Variants in ZDHHC16 observed in about 807,000 individuals in gnomAD.
ZDHHC16 encodes the protein palmitoyltransferase ZDHHC16.
Under a neutral mutation model 54.4 loss-of-function variants are expected in ZDHHC16, and 33 were observed. The observed-to-expected ratio is 0.61, with a 90% CI of 0.46 to 0.81. The LOEUF is 0.81. Among genes scored for constraint, ZDHHC16 ranks in the 30% least tolerant of loss-of-function variants. The probability of loss-of-function intolerance (pLI) is 0.00; values close to 1 mark genes in which losing one functional copy is unlikely to be tolerated. For missense variants in ZDHHC16, 420 were observed against 485.9 expected (o/e 0.86, Z 1.28); for synonymous variants, 185 against 182.1 (o/e 1.02, Z -0.13).
At position 97,456,975 on chromosome 10, in the gene ZDHHC16, A is replaced by C; in HGVS notation, c.*84A>C. On this transcript the variant is annotated 3_prime_UTR_variant, in exon 12 of 12. Transcript: ENST00000393760. Reference sequence around the variant, plus strand: ...GCCTCCAAGGGCAGCTTTTCTCAGAATCCTTGATCAAAAAGAGCCAGTGGG... The same window carrying C: ...GCCTCCAAGGGCAGCTTTTCTCAGACTCCTTGATCAAAAAGAGCCAGTGGG... 8.6e-7 allele frequency: 1 copy of C among 1,158,518 alleles called. No homozygotes were observed. Among genetic ancestry groups the C allele is most frequent in the Non-Finnish European group, 1.2e-6 (1 of 842,152 alleles). The allele number at this position is 1,158,518 out of a possible 1,614,324, so 71.8% of individuals were successfully genotyped here.
At chr10:97,449,311 C>T (rs1846382285) in intron 1 of ZDHHC16, among the ~76,000 whole-genome samples, 1 of 151,510 alleles carries the variant, frequency 6.6e-6, no homozygotes, top group African/African-American at 2.4e-5. Flanking sequence ...GATTTGCATG[C>T]CATTGCTACA....
At position 97,457,021 on chromosome 10, in the gene ZDHHC16, A is replaced by G; in HGVS notation, c.*130A>G. The G allele has an allele frequency of 3.4e-6, 2 of 588,352 alleles. No individual in the cohort carries two copies. The highest frequency in any genetic ancestry group is 3.1e-5 in the South Asian group (1 of 31,762). The allele number at this position is 588,352 out of a possible 1,614,324, so 36.4% of individuals were successfully genotyped here. A position where few individuals can be genotyped will look rare whatever the true frequency, so the allele number is the denominator to read the frequency against. On this transcript the variant is annotated 3_prime_UTR_variant, in exon 12 of 12. Transcript: ENST00000393760. ...GTGGGCCTGCCTTAGGGTACCATGC[A>G]GGACAATTCAAGGACCAGCCTTTTT... is the stretch of plus-strand genomic sequence containing the variant.
chr10:97,456,109 C>A, intron 11 of ZDHHC16, 65 bp downstream of exon 11: 1 of 1,526,402 alleles, frequency 6.6e-7, no homozygotes, highest in Non-Finnish European at 9.1e-7. Context: ...ATGTTCTATG[C>A]CTGTGAGCAC....
At chr10:97,452,312 A>T in intron 4 of ZDHHC16, 28 bp downstream of exon 4, 1 of 1,613,450 alleles carries the variant, frequency 6.2e-7, no homozygotes, top group Middle Eastern at 1.6e-4. Flanking sequence ...CACTGGGGGA[A>T]GTTGCTGGCT....
chr10:97,446,381 C>A (rs375893848), intron 1 of ZDHHC16, 28 bp downstream of exon 1: 1 of 336,744 alleles, frequency 3.0e-6, no homozygotes, highest in Non-Finnish European at 5.5e-6. Context: ...GCCCTTGCTC[C>A]CCATCCTAGT....
At position 97,456,767 on chromosome 10, in the gene ZDHHC16, T is replaced by C; in HGVS notation, c.1020-10T>C. 6.3e-7 allele frequency: 1 copy of C among 1,590,640 alleles called. No homozygotes were observed. The highest frequency in any genetic ancestry group is 1.1e-5 in the South Asian group (1 of 89,030). On this transcript the variant is annotated splice_polypyrimidine_tract_variant and intron_variant, in intron 11 of 11. Coordinates refer to ENST00000393760, the MANE Select transcript of ZDHHC16 (RefSeq NM_198046.3). ...CTTGAACTCAGAGACATTTCTCTCT[T>C]CTCTTCTAGGCACTGGCTTACTCGG...
Position 97,451,751 on chromosome 10 carries a change from C to A in ZDHHC16, c.76C>A (p.Arg26Ser), listed in dbSNP as rs773092376. The change falls in exon 3 of 12, where the codon CGC becomes AGC. Residue 26 changes from arginine to serine, a missense_variant. Physicochemically the swap from Arg to Ser is moderately radical, Grantham distance 110 (BLOSUM62 -1). Transcript: ENST00000393760. ...CCTCCTTCTGCTGCTGGGTTACAGG[C>A]GCCGCTGTCCACCTCTACTCCGGGG... is the stretch of plus-strand genomic sequence containing the variant. The part of the protein sequence containing the change: ...LRLLLLLGYR[R>S]RCPPLLRGLV... 5 of 1,613,880 alleles carry A rather than the reference C, an allele frequency of 3.1e-6. No homozygotes were observed. Among genetic ancestry groups the A allele is most frequent in the Non-Finnish European group, 4.2e-6 (5 of 1,180,024 alleles).
Position 97,457,239 on chromosome 10 carries a change from A to C in ZDHHC16, c.*348A>C, listed in dbSNP as rs970985621. The C allele has an allele frequency of 6.0e-5, 10 of 166,436 alleles. No homozygotes were observed. The South Asian group carries it at 1.1e-3, about 18-fold the overall frequency. 10.3% of individuals were successfully genotyped at this position (166,436 alleles called of 1,614,324 possible). ...CCTCTTCTACTTGCTGTCTGAAAAA[A>C]CACCTGACTAGTACAGCTGAGATCT... is the stretch of plus-strand genomic sequence containing the variant. On this transcript the variant is annotated 3_prime_UTR_variant, in exon 12 of 12. Coordinates refer to ENST00000393760, the MANE Select transcript of ZDHHC16 (RefSeq NM_198046.3).
At chr10:97,455,903 C>G in intron 10 of ZDHHC16, 71 bp from the exon 11 acceptor site, 1 of 1,608,638 alleles carries the variant, frequency 6.2e-7, no homozygotes, top group Non-Finnish European at 8.5e-7. Context: ...ACTACTCTAT[C>G]TGAGCTTTAG....
At chr10:97,449,858 A>ATTTTTTTTTTTTTTT (rs1412478223) in intron 1 of ZDHHC16, among the ~76,000 whole-genome samples, 2 of 62,340 alleles carry the variant, frequency 3.2e-5, no homozygotes, top group Non-Finnish European at 6.2e-5. Context: ...ACTCCCCTTA[A>ATTTTTTTTTTTTTTT]TTCTTTTTTT....
intron 1 of ZDHHC16, among the ~76,000 whole-genome samples, chr10:97,450,107 A>C (rs1300831743): frequency 7.1e-6 from 1 of 141,402 alleles, no homozygotes; most frequent in African/African-American, 2.7e-5. Flanking sequence ...TCCTGACCTC[A>C]TGATCCACCC....
chr10:97,454,813 A>G lies in ZDHHC16; in HGVS notation c.824+14A>G. ...GTTCCTGTGCAGGTATTTGTTTTTG[A>G]TAGTTTTAAGGGAGGGGAAGCTTCA... On this transcript the variant is annotated intron_variant, in intron 9 of 11. Coordinates refer to ENST00000393760, the MANE Select transcript of ZDHHC16 (RefSeq NM_198046.3). 1 of 1,613,460 alleles carries G rather than the reference A, an allele frequency of 6.2e-7. No individual in the cohort carries two copies. Among genetic ancestry groups the G allele is most frequent in the Non-Finnish European group, 8.5e-7 (1 of 1,179,714 alleles).
intron 5 of ZDHHC16, 145 bp from the exon 6 acceptor site, chr10:97,452,750 A>C (rs1846766231): frequency 8.8e-7 from 1 of 1,132,638 alleles, no homozygotes; most frequent in Non-Finnish European, 1.3e-6. Flanking sequence ...TAAACTGCAG[A>C]GCTGGGTTTG....
chr10:97,454,923 C>A, intron 9 of ZDHHC16, 124 bp downstream of exon 9: 1 of 782,410 alleles, frequency 1.3e-6, no homozygotes, highest in Non-Finnish European at 2.1e-6. Context: ...CTTAGGTTGG[C>A]AGAGAGCCAG....
At chr10:97,453,954 GC>G in intron 8 of ZDHHC16, 108 bp downstream of exon 8, 1 of 1,465,368 alleles carries the variant, frequency 6.8e-7, no homozygotes, top group Non-Finnish European at 9.4e-7. Context: ...CTGCCGAGAG[GC>G]CACTCTAGAC....
At chr10:97,446,825 C>T (rs1373274976) in intron 1 of ZDHHC16, among the ~76,000 whole-genome samples, 3 of 151,708 alleles carry the variant, frequency 2.0e-5, no homozygotes, top group Non-Finnish European at 1.5e-5. Context: ...TCAAGCGATT[C>T]TCCTGCCTCA....
intron 7 of ZDHHC16, 53 bp downstream of exon 7, chr10:97,453,716 A>G: frequency 6.2e-7 from 1 of 1,613,710 alleles, no homozygotes; most frequent in Non-Finnish European, 8.5e-7. Context: ...CGGGATGTAG[A>G]ACCTGTCCCT....
In ZDHHC16 at chr10:97,446,301, CG is replaced by C; in HGVS notation, c.-236del. On this transcript the variant is annotated 5_prime_UTR_variant, in exon 1 of 12. Transcript: ENST00000393760. ...AGTCGGAGGGGGTGGCAGTGAGCGG[CG>C]GCAGAGGCTACGGGGCTCGGTTTGG... is the stretch of plus-strand genomic sequence containing the variant. 2.1e-6 allele frequency: 1 copy of C among 484,240 alleles called. No homozygotes were observed. Among genetic ancestry groups the C allele is most frequent in the East Asian group, 3.9e-5 (1 of 25,430 alleles). The allele number at this position is 484,240 out of a possible 1,614,324, so 30.0% of individuals were successfully genotyped here.
At chr10:97,454,465 T>A (rs1374929758) in intron 8 of ZDHHC16, among the ~76,000 whole-genome samples, 2 of 152,334 alleles carry the variant, frequency 1.3e-5, no homozygotes, top group East Asian at 3.9e-4. Flanking sequence ...GTTGTCACTC[T>A]ACAGGCCCAG....
Sources: gnomAD v4.1 joint callset for allele counts (sites outside exome capture counted in the v4.1 genomes callset) on GRCh38, gnomAD v4.1.1 for gene constraint, MANE v1.5 for transcripts, NCBI Gene and HGNC (gene_info 2026-07-23, HGNC 2026-07-21) for gene names.